Variants in NTM observed in about 807,000 individuals in gnomAD.
NTM encodes the protein IgLON family member 2.
In NTM, 13 loss-of-function variants were observed where a neutral mutation model predicts 42.1. That is an observed-to-expected ratio of 0.31 (90% CI 0.20 to 0.49). NTM has a LOEUF of 0.49. NTM is among the 20% of genes least tolerant of loss of function. The probability of loss-of-function intolerance (pLI) is 0.99; values close to 1 mark genes in which losing one functional copy is unlikely to be tolerated. For synonymous variants in NTM, 187 were observed against 179.2 expected (o/e 1.04, Z -0.35); for missense variants, 373 against 452.8 (o/e 0.82, Z 1.60).
At chr11:131,757,659 A>G (rs1403390183) in intron 1 of NTM, among the ~76,000 whole-genome samples, 6 of 152,208 alleles carry the variant, frequency 3.9e-5, no homozygotes, top group Admixed American at 3.9e-4. Context: ...CACTGGAGAC[A>G]CTGATGTGAG....
chr11:132,243,535 G>A (rs1268616863), intron 4 of NTM, among the ~76,000 whole-genome samples: 1 of 152,168 alleles, frequency 6.6e-6, no homozygotes. Context: ...AGAGCCCCAG[G>A]ACACAGTGGA....
chr11:131,778,652 T>G (rs1402954773), intron 1 of NTM, among the ~76,000 whole-genome samples: 1 of 152,244 alleles, frequency 6.6e-6, no homozygotes, highest in Non-Finnish European at 1.5e-5. Flanking sequence ...ATAGTGATGG[T>G]AAAAGTCATA....
At chr11:131,533,626 C>A (rs1031921915) in intron 1 of NTM, among the ~76,000 whole-genome samples, 2 of 152,142 alleles carry the variant, frequency 1.3e-5, no homozygotes, top group African/African-American at 4.8e-5. Flanking sequence ...CTTAGAGCAT[C>A]CCTTCTGTGA....
rs905087766 is a variant in NTM, at chr11:131,841,602, C to T, written c.83-69962C>T. 2.6e-5 allele frequency among the ~76,000 whole-genome samples: 4 copies of T among 152,102 alleles called. 1 individual carries two copies. Among genetic ancestry groups the T allele is most frequent in the Admixed American group, 1.3e-4 (2 of 15,276 alleles). ...ACAGTCAAGGACGAGAATTGCTGAT[C>T]TAGGGTGAGAGACAGATAAGAAAAC... On this transcript the variant is annotated intron_variant, in intron 1 of 8. Transcript: ENST00000683400.
chr11:132,253,619 T>C (rs1372433351), intron 4 of NTM, among the ~76,000 whole-genome samples: 1 of 152,180 alleles, frequency 6.6e-6, no homozygotes, highest in African/African-American at 2.4e-5. Flanking sequence ...GAAACTGAGA[T>C]CTGTAGAAAG....
intron 7 of NTM, among the ~76,000 whole-genome samples, chr11:132,317,321 T>TCTGGAAGGAAACTTTA (rs2095455168): frequency 6.6e-6 from 1 of 152,092 alleles, no homozygotes; most frequent in South Asian, 2.1e-4. Context: ...ACAAGTCTCA[T>TCTGGAAGGAAACTTTA]CTGGAAGGAA....
At position 132,128,225 on chromosome 11, in the gene NTM, G is replaced by A. The variant is rs535135190; in HGVS notation, c.168-18057G>A. 1.6e-4 allele frequency among the ~76,000 whole-genome samples: 21 copies of A among 132,438 alleles called. No individual in the cohort carries two copies. The South Asian group carries it at 4.6e-3, about 29-fold the overall frequency. 86.9% of individuals were successfully genotyped at this position (132,438 alleles called of 152,430 possible). A position where few individuals can be genotyped will look rare whatever the true frequency, so the allele number is the denominator to read the frequency against. On this transcript the variant is annotated intron_variant, in intron 2 of 8. Transcript: ENST00000683400. ...AAAGTATATGAATCCAATTAAAGTT[G>A]TTCTGTGAGTGTGTTTTTTTTTTTA... is the stretch of plus-strand genomic sequence containing the variant.
intron 1 of NTM, among the ~76,000 whole-genome samples, chr11:131,665,275 G>C (rs1445755226): frequency 6.6e-6 from 1 of 152,114 alleles, no homozygotes; most frequent in African/African-American, 2.4e-5. Flanking sequence ...CAAATATTTT[G>C]GGTAAACAGT....
intron 1 of NTM, among the ~76,000 whole-genome samples, chr11:131,783,162 C>A (rs564284652): frequency 4.0e-4 from 61 of 152,058 alleles, no homozygotes; most frequent in African/African-American, 1.5e-3. Context: ...ATATAGAAAT[C>A]AAGTTTATTT....
At position 132,171,388 on chromosome 11, in the gene NTM, G is replaced by T. The variant is rs535506807; in HGVS notation, c.400+24874G>T. The stretch of plus-strand genomic sequence containing the variant: ...TAACAAGTCCGAGATCAAGGTTCTG[G>T]CAGATTTGGTGTCTGGCGTGGGCTC... On this transcript the variant is annotated intron_variant, in intron 3 of 8. Coordinates refer to ENST00000683400, the MANE Select transcript of NTM (RefSeq NM_001352005.2). Among the ~76,000 whole-genome samples, 9 of 152,310 alleles carry T rather than the reference G, an allele frequency of 5.9e-5. No individual in the cohort carries two copies. In the East Asian group the frequency reaches 1.7e-3, roughly 29 times the overall value.
chr11:131,962,423 G>C (rs2062307071), intron 2 of NTM, among the ~76,000 whole-genome samples: 1 of 152,216 alleles, frequency 6.6e-6, no homozygotes, highest in Non-Finnish European at 1.5e-5. Context: ...ATTGGATCAT[G>C]AGGTTGGAGC....
chr11:132,210,631 A>G (rs1448540368), intron 3 of NTM, among the ~76,000 whole-genome samples: 1 of 152,214 alleles, frequency 6.6e-6, no homozygotes, highest in East Asian at 1.9e-4. Flanking sequence ...AAGTAGACAC[A>G]TGGAACCAAA....
At chr11:131,419,697 G>A (rs1002886596) in intron 1 of NTM, among the ~76,000 whole-genome samples, 5 of 152,150 alleles carry the variant, frequency 3.3e-5, no homozygotes, top group African/African-American at 1.2e-4. Flanking sequence ...ATAAAAAGTG[G>A]GATTTTATTT....
At chr11:131,926,794 C>G (rs980743225) in intron 2 of NTM, among the ~76,000 whole-genome samples, 16 of 152,076 alleles carry the variant, frequency 1.1e-4, no homozygotes, top group Non-Finnish European at 2.4e-4. Flanking sequence ...GATGTGTCAC[C>G]CCTGCAGCAC....
At chr11:131,625,216 T>C (rs1472073728) in intron 1 of NTM, among the ~76,000 whole-genome samples, 1 of 152,238 alleles carries the variant, frequency 6.6e-6, no homozygotes, top group African/African-American at 2.4e-5. Context: ...TGGAGATGAA[T>C]GTGTCCCTTT....
intron 3 of NTM, among the ~76,000 whole-genome samples, chr11:132,155,384 G>A (rs1023187301): frequency 7.9e-5 from 12 of 152,168 alleles, no homozygotes; most frequent in African/African-American, 2.9e-4. Flanking sequence ...AAGACTTCCA[G>A]GTGCTTACAT....
intron 1 of NTM, among the ~76,000 whole-genome samples, chr11:131,375,772 C>G (rs1565440241): frequency 6.6e-6 from 1 of 150,552 alleles, no homozygotes; most frequent in Non-Finnish European, 1.5e-5. Flanking sequence ...TCGGTAACCT[C>G]TGAGAACTTT....
rs1164941789 is a variant in NTM, at chr11:132,241,751, A to G, written c.526+29604A>G. ...TTAAAAGCTATCGTGAAAGTGCACA[A>G]TTATTTTGCATGTTTGTATACAAGC... On this transcript the variant is annotated intron_variant, in intron 4 of 8. Coordinates refer to ENST00000683400, the MANE Select transcript of NTM (RefSeq NM_001352005.2). 2.0e-5 allele frequency among the ~76,000 whole-genome samples: 3 copies of G among 152,236 alleles called. No individual in the cohort carries two copies. In the East Asian group the frequency reaches 5.8e-4, roughly 29 times the overall value.
chr11:131,927,936 A>G (rs1435482488), intron 2 of NTM, among the ~76,000 whole-genome samples: 1 of 152,160 alleles, frequency 6.6e-6, no homozygotes, highest in Non-Finnish European at 1.5e-5. Context: ...TGAATTGAGA[A>G]TATGTTCTAT....
Sources: gnomAD v4.1 joint callset for allele counts (sites outside exome capture counted in the v4.1 genomes callset) on GRCh38, gnomAD v4.1.1 for gene constraint, MANE v1.5 for transcripts, NCBI Gene and HGNC (gene_info 2026-07-23, HGNC 2026-07-21) for gene names.